PLEKHO2: variants seen among roughly 807,000 people sequenced by gnomAD.
PLEKHO2 encodes pleckstrin homology domain-containing family O member 2.
Under a neutral mutation model 32.7 loss-of-function variants are expected in PLEKHO2, and 20 were observed. The ratio of observed to expected loss-of-function variants is 0.61; its 90% CI spans 0.43 to 0.89. The LOEUF is 0.89. Among genes scored for constraint, PLEKHO2 ranks in the 40% least tolerant of loss-of-function variants. PLEKHO2 has a pLI of 0.00. For missense variants in PLEKHO2, 568 were observed against 621.2 expected, an observed-to-expected ratio of 0.91 and a Z score of 0.91; for synonymous variants, 247 against 246.3, an observed-to-expected ratio of 1.00 and a Z score of -0.03.
intron 2 of PLEKHO2, among the ~76,000 whole-genome samples, chr15:64,851,854 G>A (rs2084572236): frequency 1.3e-5 from 2 of 152,126 alleles, no homozygotes; most frequent in Admixed American, 6.5e-5. Context: ...GTGGAGGCCT[G>A]TGGACACGGG....
In PLEKHO2 at chr15:64,865,273, G is replaced by A. The variant is rs1305000116; in HGVS notation, c.858G>A (p.Glu286=). The A allele has an allele frequency of 4.3e-6, 7 of 1,613,876 alleles. No individual in the cohort carries two copies. Among genetic ancestry groups the A allele is most frequent in the Non-Finnish European group, 5.9e-6 (7 of 1,179,908 alleles). ...GCCCCCAGGAGGCCCCTGCTGCAGA[G>A]AGTGCAGAACCGTCCCAGGCACCCT... is the stretch of plus-strand genomic sequence containing the variant. ...NPSPQEAPAA[E]SAEPSQAPCS... Residue 286 remains glutamate, a synonymous_variant, in exon 6 of 6, where the codon GAG becomes GAA. Coordinates refer to ENST00000323544, the MANE Select transcript of PLEKHO2 (RefSeq NM_025201.5).
At chr15:64,846,090 G>A (rs1027891135) in intron 1 of PLEKHO2, among the ~76,000 whole-genome samples, 1 of 152,172 alleles carries the variant, frequency 6.6e-6, no homozygotes, top group Non-Finnish European at 1.5e-5. Flanking sequence ...CCATTTCCCT[G>A]TTCTTCCCTT....
In PLEKHO2 at chr15:64,855,275, CT is replaced by C. The variant is rs140198042; in HGVS notation, c.279+242del. 3.7e-3 allele frequency among the ~76,000 whole-genome samples: 565 copies of C among 152,348 alleles called. 6 individuals are homozygous for C. Among genetic ancestry groups the C allele is most frequent in the African/African-American group, 0.013 (533 of 41,584 alleles). On this transcript the variant is annotated intron_variant, in intron 3 of 5. Coordinates refer to ENST00000323544, the MANE Select transcript of PLEKHO2 (RefSeq NM_025201.5). ...GCTCTGTTGAGAGACCTCTGCTCCC[CT>C]TTTCCTCTTGCAGGCCCAGGGCCTC... is the stretch of plus-strand genomic sequence containing the variant.
intron 1 of PLEKHO2, among the ~76,000 whole-genome samples, chr15:64,844,008 C>G (rs972336818): frequency 2.0e-5 from 3 of 152,192 alleles, no homozygotes; most frequent in African/African-American, 7.2e-5. Context: ...TTCCCTACTC[C>G]CCTTTGGCAT....
At chr15:64,848,557 G>C (rs754411851) in intron 1 of PLEKHO2, 36 bp from the exon 2 acceptor site, 1 of 1,612,796 alleles carries the variant, frequency 6.2e-7, no homozygotes, top group East Asian at 2.2e-5. Context: ...CCCCATGGTA[G>C]CAACCCTCAT....
rs71133492 is a variant in PLEKHO2, at chr15:64,863,747, C to CTT, written c.484-1140_484-1139dup. Reference sequence around the variant, plus strand: ...AGCTTGGGTGACAGTGCGAGACCCCCTTTTTTTTTTTTTGAGACGGAGCTT... The same window carrying CTT: ...AGCTTGGGTGACAGTGCGAGACCCCCTTTTTTTTTTTTTTTGAGACGGAGCTT... On this transcript the variant is annotated intron_variant, in intron 5 of 5. Coordinates refer to ENST00000323544, the MANE Select transcript of PLEKHO2 (RefSeq NM_025201.5). Among the ~76,000 whole-genome samples, 148 of 142,688 alleles carry CTT rather than the reference C, an allele frequency of 1.0e-3. 2 individuals carry two copies. Among genetic ancestry groups the CTT allele is most frequent in the East Asian group, 6.4e-3 (30 of 4,722 alleles). The allele number at this position is 142,688 out of a possible 152,430, so 93.6% of individuals were successfully genotyped here.
rs1238272801 is a variant in PLEKHO2, at chr15:64,865,652, C to T, written c.1237C>T (p.Gln413Ter). 3.7e-6 allele frequency: 6 copies of T among 1,614,124 alleles called. No homozygotes were observed. The highest frequency in any genetic ancestry group is 1.7e-6 in the Non-Finnish European group (2 of 1,180,044). ...GCCCAGGGAACGGCTATATCGGGCC[C>T]AGCTGGAGGTGAAGGTGGCCTCGGA... Reference protein sequence around the residue: ...LQPRERLYRAQLEVKVASEQT... With the variant: ...LQPRERLYRA The change falls in exon 6 of 6, where the codon CAG (glutamine) becomes TAG (stop). Residue 413 changes from glutamine (Q) to a stop codon, truncating the protein, a stop_gained. Transcript: ENST00000323544. LOFTEE classifies it high-confidence loss of function.
At chr15:64,861,596 G>T in intron 5 of PLEKHO2, 21 bp downstream of exon 5, 1 of 1,559,172 alleles carries the variant, frequency 6.4e-7, no homozygotes, top group Non-Finnish European at 8.7e-7. Context: ...ACCCAGTGTG[G>T]ATGTTGGGGT....
At chr15:64,857,016 C>T (rs534243025) in intron 3 of PLEKHO2, among the ~76,000 whole-genome samples, 1 of 152,358 alleles carries the variant, frequency 6.6e-6, no homozygotes, top group Non-Finnish European at 1.5e-5. Flanking sequence ...TCTCCAGCCC[C>T]ACACCCCTGC....
At chr15:64,850,677 C>T (rs1229823140) in intron 2 of PLEKHO2, among the ~76,000 whole-genome samples, 1 of 152,188 alleles carries the variant, frequency 6.6e-6, no homozygotes, top group East Asian at 1.9e-4. Flanking sequence ...CTCGAATAGC[C>T]CTCACTTCTT....
chr15:64,862,689 G>A lies in PLEKHO2; in HGVS notation c.483+1114G>A, dbSNP rs555050644. Among the ~76,000 whole-genome samples, 222 of 152,264 alleles carry A rather than the reference G, an allele frequency of 1.5e-3. 1 individual carries two copies. The highest frequency in any genetic ancestry group is 0.014 in the Middle Eastern group (4 of 294). On this transcript the variant is annotated intron_variant, in intron 5 of 5. Coordinates refer to ENST00000323544, the MANE Select transcript of PLEKHO2 (RefSeq NM_025201.5). ...GAGAGATGGGCACAAGACCTGGTGG[G>A]CATCAGCCAGGTTGGCAGCCGCAAG...
At chr15:64,853,225 G>T (rs2084581696) in intron 2 of PLEKHO2, among the ~76,000 whole-genome samples, 2 of 151,780 alleles carry the variant, frequency 1.3e-5, no homozygotes, top group East Asian at 3.9e-4. Context: ...ACCCTCTTAG[G>T]TGTAATGATT....
At chr15:64,857,287 G>A (rs1487068304) in intron 3 of PLEKHO2, among the ~76,000 whole-genome samples, 1 of 152,232 alleles carries the variant, frequency 6.6e-6, no homozygotes, top group Non-Finnish European at 1.5e-5. Flanking sequence ...GCAGGGACCT[G>A]TACAGCCTGT....
At chr15:64,859,302 C>G (rs973276221) in intron 3 of PLEKHO2, among the ~76,000 whole-genome samples, 4 of 152,208 alleles carry the variant, frequency 2.6e-5, no homozygotes, top group South Asian at 2.1e-4. Flanking sequence ...TGGTGGTATT[C>G]TCTTTTACAG....
At chr15:64,842,596 A>C (rs561210301) in intron 1 of PLEKHO2, among the ~76,000 whole-genome samples, 1 of 151,740 alleles carries the variant, frequency 6.6e-6, no homozygotes, top group East Asian at 1.9e-4. Flanking sequence ...TCTCCCTTGT[A>C]TAAGTCTCTG....
chr15:64,842,372 C>G (rs998025434), intron 1 of PLEKHO2, among the ~76,000 whole-genome samples: 3 of 55,312 alleles, frequency 5.4e-5, no homozygotes, highest in African/African-American at 2.3e-4. Context: ...TGGTCGGATC[C>G]TGACTCTCTC....
chr15:64,866,024 T>C lies in PLEKHO2; in HGVS notation c.*136T>C. ...CATTGGGCATGTCAGGGTTTGGCCA[T>C]GACCCGAAGAGACTCCTGGCGTCCT... On this transcript the variant is annotated 3_prime_UTR_variant, in exon 6 of 6. Coordinates refer to ENST00000323544, the MANE Select transcript of PLEKHO2 (RefSeq NM_025201.5). 8.3e-7 allele frequency: 1 copy of C among 1,198,388 alleles called. No homozygotes were observed. Among genetic ancestry groups the C allele is most frequent in the Non-Finnish European group, 1.1e-6 (1 of 879,290 alleles). The allele number at this position is 1,198,388 out of a possible 1,614,324, so 74.2% of individuals were successfully genotyped here.
At chr15:64,856,234 C>T (rs777474586) in intron 3 of PLEKHO2, among the ~76,000 whole-genome samples, 13 of 152,142 alleles carry the variant, frequency 8.5e-5, no homozygotes, top group Non-Finnish European at 1.5e-4. Flanking sequence ...CACTTCCTTC[C>T]TGAGTGGGCA....
At chr15:64,851,994 T>C (rs979391023) in intron 2 of PLEKHO2, among the ~76,000 whole-genome samples, 1 of 152,080 alleles carries the variant, frequency 6.6e-6, no homozygotes, top group African/African-American at 2.4e-5. Flanking sequence ...GTCCTACATA[T>C]GTTCTGCTTG....
Sources: gnomAD v4.1 joint callset for allele counts (sites outside exome capture counted in the v4.1 genomes callset) on GRCh38, gnomAD v4.1.1 for gene constraint, MANE v1.5 for transcripts, NCBI Gene and HGNC (gene_info 2026-07-23, HGNC 2026-07-21) for gene names.